DOCK4: variants seen among roughly 807,000 people sequenced by gnomAD.
DOCK4 encodes dedicator of cytokinesis 4, also known as dedicator of cytokinesis protein 4.
In DOCK4, 97 loss-of-function variants were observed where a neutral mutation model predicts 268.1. That is an observed-to-expected ratio of 0.36 (90% confidence interval 0.31 to 0.43). The LOEUF (loss-of-function observed/expected upper bound fraction) is 0.43, where lower values mean the gene tolerates loss of function less well. Ranked by LOEUF, DOCK4 falls within the 20% of genes least tolerant of loss-of-function variation. The pLI, the probability that DOCK4 is intolerant of heterozygous loss-of-function variation, is 1.00. For missense variants in DOCK4, 2,145 were observed against 2,455.7 expected (o/e 0.87, Z 2.67); for synonymous variants, 954 against 887.2 (o/e 1.08, Z -1.34).
intron 1 of DOCK4, among the ~76,000 whole-genome samples, chr7:112,153,178 T>C (rs1816266725): frequency 1.3e-5 from 2 of 152,206 alleles, no homozygotes; most frequent in South Asian, 4.1e-4. Context: ...CATGATGTAC[T>C]GACTTGCTGA....
At chr7:111,879,047 A>C (rs1807154318) in intron 16 of DOCK4, among the ~76,000 whole-genome samples, 1 of 152,026 alleles carries the variant, frequency 6.6e-6, no homozygotes, top group Admixed American at 6.6e-5. Context: ...CAGGCAGTGC[A>C]GCTTGCAGCA....
chr7:111,955,856 A>C (rs1796410250), intron 8 of DOCK4, among the ~76,000 whole-genome samples: 1 of 152,208 alleles, frequency 6.6e-6, no homozygotes, highest in Admixed American at 6.5e-5. Context: ...AGTTCAGAAG[A>C]CTTGAGACCT....
chr7:112,154,163 G>C (rs1816375940), intron 1 of DOCK4, among the ~76,000 whole-genome samples: 1 of 151,970 alleles, frequency 6.6e-6, no homozygotes, highest in African/African-American at 2.4e-5. Context: ...GTAGAGACAA[G>C]GTCTCCCCAT....
chr7:111,991,688 G>A (rs1474215922), intron 5 of DOCK4, among the ~76,000 whole-genome samples: 1 of 150,908 alleles, frequency 6.6e-6, no homozygotes, highest in Non-Finnish European at 1.5e-5. Context: ...GGCGCTGGGC[G>A]AGGTGGCTCA....
At chr7:111,918,354 A>G (rs6971805) in intron 12 of DOCK4, among the ~76,000 whole-genome samples, 12,524 of 152,214 alleles carry the variant, frequency 0.082, 699 homozygotes, top group Non-Finnish European at 0.11. Flanking sequence ...CTCCCTCTCC[A>G]GCCCCACCCC....
At chr7:111,794,815 T>TAATCA (rs1252895685) in intron 30 of DOCK4, among the ~76,000 whole-genome samples, 1 of 152,176 alleles carries the variant, frequency 6.6e-6, no homozygotes, top group East Asian at 1.9e-4. Flanking sequence ...AATGAATTCT[T>TAATCA]AATCACTCTC....
At chr7:111,988,976 T>G in intron 6 of DOCK4, 39 bp downstream of exon 6, 10 of 1,576,422 alleles carry the variant, frequency 6.3e-6, no homozygotes, top group Non-Finnish European at 8.6e-6. Flanking sequence ...TCCATTGTGT[T>G]CACCTACTAG....
intron 37 of DOCK4, 94 bp from the exon 38 acceptor site, chr7:111,767,212 G>A: frequency 1.1e-6 from 1 of 881,604 alleles, no homozygotes; most frequent in South Asian, 1.5e-5. Context: ...AGAGCACCAA[G>A]CCTTACTCCT....
intron 42 of DOCK4, among the ~76,000 whole-genome samples, chr7:111,747,883 G>A (rs563836627): frequency 6.6e-6 from 1 of 152,228 alleles, no homozygotes; most frequent in South Asian, 2.1e-4. Context: ...TGATGTCAAG[G>A]AGCTTTCAGC....
chr7:111,950,239 T>C (rs1385206765), intron 8 of DOCK4, among the ~76,000 whole-genome samples: 1 of 152,178 alleles, frequency 6.6e-6, no homozygotes, highest in Non-Finnish European at 1.5e-5. Flanking sequence ...TAATATTGCA[T>C]TCTGGCACAT....
rs1585894868 is a variant in DOCK4 at position 111,758,798 on chromosome 7, T to A, written c.4163-8A>T. The A allele has an allele frequency of 1.2e-5, 20 of 1,613,296 alleles. No individual in the cohort carries two copies. In the East Asian group the frequency reaches 4.5e-4, roughly 36 times the overall value. Reference sequence around the variant, plus strand: ...CAGCATATATCTGCAAATCTAGGATTCAAGAGTCAAGGAGAGAACCTGACT... The same window carrying A: ...CAGCATATATCTGCAAATCTAGGATACAAGAGTCAAGGAGAGAACCTGACT... On this transcript the variant is annotated splice_polypyrimidine_tract_variant and splice_region_variant and intron_variant, in intron 40 of 52. Transcript: ENST00000428084.
chr7:111,874,582 C>G (rs1181668522), intron 17 of DOCK4, among the ~76,000 whole-genome samples: 1 of 152,164 alleles, frequency 6.6e-6, no homozygotes, highest in African/African-American at 2.4e-5. Context: ...TGTATCCTAG[C>G]TTTTTACTTT....
chr7:111,858,672 A>G (rs1805217923), intron 23 of DOCK4, among the ~76,000 whole-genome samples: 1 of 152,108 alleles, frequency 6.6e-6, no homozygotes, highest in Non-Finnish European at 1.5e-5. Flanking sequence ...AAACTATATC[A>G]TCAGTTCTTA....
chr7:112,144,929 A>T (rs1271795291), intron 1 of DOCK4, among the ~76,000 whole-genome samples: 1 of 152,152 alleles, frequency 6.6e-6, no homozygotes, highest in African/African-American at 2.4e-5. Flanking sequence ...ATCATTAGGA[A>T]TTTTTGTTCC....
intron 1 of DOCK4, among the ~76,000 whole-genome samples, chr7:112,203,631 C>T (rs974735530): frequency 3.3e-5 from 5 of 152,106 alleles, no homozygotes; most frequent in African/African-American, 1.2e-4. Flanking sequence ...AACTAAATTA[C>T]CACTACACTT....
At chr7:112,100,214 G>A (rs1459189235) in intron 1 of DOCK4, among the ~76,000 whole-genome samples, 1 of 152,124 alleles carries the variant, frequency 6.6e-6, no homozygotes, top group Non-Finnish European at 1.5e-5. Flanking sequence ...ACTACGTAAA[G>A]CCATTCATGA....
intron 1 of DOCK4, among the ~76,000 whole-genome samples, chr7:112,074,568 A>C (rs1807892213): frequency 6.6e-6 from 1 of 152,114 alleles, no homozygotes; most frequent in African/African-American, 2.4e-5. Flanking sequence ...CAAGGCTGAG[A>C]AGGAAGAAGG....
At position 111,736,930 on chromosome 7, in the gene DOCK4, A is replaced by G; in HGVS notation, c.5292T>C (p.Ser1764=). 6.2e-7 allele frequency: 1 copy of G among 1,602,774 alleles called. No individual in the cohort carries two copies. Among genetic ancestry groups the G allele is most frequent in the Non-Finnish European group, 8.5e-7 (1 of 1,174,446 alleles). ...GGCTGGCCTTACCTTTTTCAGGTGC[A>G]GAGAGATTTGGGTCACTGCGTGGCA... is the stretch of plus-strand genomic sequence containing the variant. ...GALPRSDPNL[S]APEKAVNPTP... is the part of the protein sequence containing the mutation. Residue 1764 remains serine, a synonymous_variant, in exon 50 of 53, where the codon TCT becomes TCC. Transcript: ENST00000428084.
intron 8 of DOCK4, among the ~76,000 whole-genome samples, chr7:111,946,380 AG>A (rs1795622086): frequency 6.6e-6 from 1 of 152,168 alleles, no homozygotes; most frequent in South Asian, 2.1e-4. Context: ...TGCCACCGGG[AG>A]CTGCGGTGGC....
Sources: gnomAD v4.1 joint callset for allele counts (sites outside exome capture counted in the v4.1 genomes callset) on GRCh38, gnomAD v4.1.1 for gene constraint, MANE v1.5 for transcripts, NCBI Gene and HGNC (gene_info 2026-07-23, HGNC 2026-07-21) for gene names.